The following DUSP11 variants were observed in gnomAD, a reference collection of about 807,000 sequenced individuals.
DUSP11 encodes the protein dual specificity phosphatase 11.
Under a neutral mutation model 41.4 loss-of-function variants are expected in DUSP11, and 27 were observed. That is an observed-to-expected ratio of 0.65 (90% CI 0.48 to 0.90). DUSP11 has a LOEUF of 0.90. Ranked by LOEUF, DUSP11 falls within the 40% of genes least tolerant of loss-of-function variation. The probability of loss-of-function intolerance (pLI) is 0.00; values close to 1 mark genes in which losing one functional copy is unlikely to be tolerated. For synonymous variants in DUSP11, 188 were observed against 159.3 expected (o/e 1.18, Z -1.35); for missense variants, 465 against 461.1 (o/e 1.01, Z -0.08).
chr2:73,767,909 C>T (rs1026070951), intron 5 of DUSP11: 3 of 152,250 alleles, frequency 2.0e-5, no homozygotes, highest in Middle Eastern at 3.2e-3. Flanking sequence ...TGAATGTGTT[C>T]CCCACACTCA....
At chr2:73,769,137 G>A (rs1334997034) in intron 5 of DUSP11, 128 bp downstream of exon 5, 2 of 684,114 alleles carry the variant, frequency 2.9e-6, no homozygotes, top group Non-Finnish European at 5.0e-6. Context: ...GTAATCTCTG[G>A]GTGGGGAGCA....
At chr2:73,770,198 AAAAG>A (rs1044619878) in intron 4 of DUSP11, among the ~76,000 whole-genome samples, 8 of 151,286 alleles carry the variant, frequency 5.3e-5, no homozygotes, top group South Asian at 2.1e-4. Context: ...AAAAAAAAAA[AAAAG>A]AAAGAAAGAA....
At position 73,766,841 on chromosome 2, in the gene DUSP11, C is replaced by T. The variant is rs369690423; in HGVS notation, c.745G>A (p.Gly249Ser). 2.5e-6 allele frequency: 4 copies of T among 1,612,262 alleles called. No individual in the cohort carries two copies. The African/African-American group carries it at 5.3e-5, about 22-fold the overall frequency. The change falls in exon 7 of 9, where the codon GGT (glycine) becomes AGT (serine). Residue 249 changes from glycine to serine, a missense_variant. Physicochemically the swap from Gly to Ser is moderately conservative, Grantham distance 56. Coordinates refer to ENST00000272444, the Ensembl canonical transcript of DUSP11. ...CATAAGACTTACTTTCTGATAGGAC[C>T]ATTCTGAAGGTCTTCAATGTAGTTT...
exon 3 of DUSP11, chr2:73,774,938 T>A: frequency 6.2e-7 from 1 of 1,608,628 alleles, no homozygotes; most frequent in Non-Finnish European, 8.5e-7. Context: ...GCGTTGAGTA[T>A]ATGTTAAATC....
chr2:73,766,690 C>G (rs1672472889), intron 7 of DUSP11, 96 bp from the exon 8 acceptor site: 1 of 1,411,856 alleles, frequency 7.1e-7, no homozygotes, highest in Non-Finnish European at 9.7e-7. Context: ...ACAATTTCTT[C>G]CTTCTCCCAT....
At chr2:73,770,460 T>C (rs1405434123) in intron 4 of DUSP11, among the ~76,000 whole-genome samples, 374 of 149,604 alleles carry the variant, frequency 2.5e-3, no homozygotes, top group African/African-American at 8.7e-3. Flanking sequence ...GGTTGCAGTG[T>C]GCCAAAATGG....
At chr2:73,779,942 C>G (rs760134535) in exon 1 of DUSP11, 4 of 1,614,126 alleles carry the variant, frequency 2.5e-6, no homozygotes, top group Non-Finnish European at 3.4e-6. Context: ...GTCTCCGGCC[C>G]CAGCCACTGC....
chr2:73,770,160 T>C (rs868374865), intron 4 of DUSP11, among the ~76,000 whole-genome samples: 2 of 141,810 alleles, frequency 1.4e-5, no homozygotes, highest in African/African-American at 5.3e-5. Flanking sequence ...CTGGGTATTG[T>C]GGCGGGAGCC....
intron 4 of DUSP11, 35 bp from the exon 5 acceptor site, chr2:73,769,360 G>T (rs1167331248): frequency 1.4e-6 from 2 of 1,443,922 alleles, no homozygotes; most frequent in Non-Finnish European, 1.9e-6. Context: ...AGTAACTGAA[G>T]TAGATACACA....
exon 1 of DUSP11, chr2:73,780,084 A>T (rs1459409265): frequency 6.3e-7 from 1 of 1,581,300 alleles, no homozygotes; most frequent in Non-Finnish European, 8.6e-7. Context: ...GCAGCCACCT[A>T]CGCCGCGCTC....
intron 5 of DUSP11, chr2:73,767,433 TTTACA>T (rs1427677246): frequency 2.5e-6 from 1 of 403,990 alleles, no homozygotes; most frequent in Non-Finnish European, 4.3e-6. Context: ...TATATATTTA[TTTACA>T]TTAATGTAAT....
exon 8 of DUSP11, chr2:73,766,428 G>C: frequency 6.2e-7 from 1 of 1,610,594 alleles, no homozygotes; most frequent in Non-Finnish European, 8.5e-7. Context: ...CTGACTGATT[G>C]TTGCAAACTT....
exon 9 of DUSP11, chr2:73,762,830 T>C: frequency 1.2e-6 from 2 of 1,601,956 alleles, no homozygotes; most frequent in Non-Finnish European, 1.7e-6. Flanking sequence ...ATGGTGTCTC[T>C]GGTAAACATG....
At chr2:73,778,760 G>A (rs183909545) in intron 1 of DUSP11, among the ~76,000 whole-genome samples, 147 of 152,174 alleles carry the variant, frequency 9.7e-4, no homozygotes, top group Non-Finnish European at 1.7e-3. Flanking sequence ...GTTTTCATAC[G>A]ACTGATGCCA....
chr2:73,778,807 T>A (rs1485342988), intron 1 of DUSP11, among the ~76,000 whole-genome samples: 1 of 152,176 alleles, frequency 6.6e-6, no homozygotes, highest in Non-Finnish European at 1.5e-5. Context: ...AGTTCATATT[T>A]TAAGAGAAAA....
intron 2 of DUSP11, among the ~76,000 whole-genome samples, chr2:73,776,300 A>C (rs922548955): frequency 6.6e-6 from 1 of 151,414 alleles, no homozygotes; most frequent in African/African-American, 2.4e-5. Context: ...CGGTAGTTCC[A>C]GCTACTCAGG....
chr2:73,771,359 G>A (rs1672569278), intron 4 of DUSP11, among the ~76,000 whole-genome samples: 1 of 152,116 alleles, frequency 6.6e-6, no homozygotes, highest in Non-Finnish European at 1.5e-5. Context: ...CCCCAAAACT[G>A]GGCTGCCCTT....
At chr2:73,767,312 T>G in intron 5 of DUSP11, 105 bp from the exon 6 acceptor site, 1 of 832,800 alleles carries the variant, frequency 1.2e-6, no homozygotes, top group Non-Finnish European at 2.0e-6. Flanking sequence ...ATAAAAATCC[T>G]AAGAAAATAT....
chr2:73,764,207 G>A (rs1287633322), intron 8 of DUSP11, among the ~76,000 whole-genome samples: 2 of 152,118 alleles, frequency 1.3e-5, no homozygotes, highest in African/African-American at 4.8e-5. Context: ...TGCTTCAAAA[G>A]GCTTATACCA....
Sources: gnomAD v4.1 joint callset for allele counts (sites outside exome capture counted in the v4.1 genomes callset) on GRCh38, gnomAD v4.1.1 for gene constraint, MANE v1.5 for transcripts, NCBI Gene and HGNC (gene_info 2026-07-23, HGNC 2026-07-21) for gene names.